Variants in VDR observed in about 807,000 individuals in gnomAD.
VDR encodes vitamin D receptor, also known as vitamin D3 receptor.
VDR carries 19 observed loss-of-function variants against 39.7 expected under a neutral mutation model. The observed-to-expected ratio is 0.48, with a 90% CI of 0.33 to 0.70. VDR has a LOEUF of 0.70. Among genes scored for constraint, VDR ranks in the 30% least tolerant of loss-of-function variants. VDR has a pLI of 0.02. For synonymous variants in VDR, 242 were observed against 215.8 expected (o/e 1.12, Z -1.07); for missense variants, 442 against 570.5 (o/e 0.77, Z 2.29).
In VDR at chr12:47,842,623, A is replaced by ATTTTTTTT. The variant is rs17878969; in HGVS notation, c.*2115_*2122dup. The stretch of plus-strand genomic sequence containing the variant: ...CAGGCTTGCGCCACCATGCCCGGCT[A>ATTTTTTTT]TTTTTTTTTTTTTTTTTTTTGTATT... On this transcript the variant is annotated 3_prime_UTR_variant, in exon 10 of 10. Coordinates refer to ENST00000549336, the MANE Select transcript of VDR (RefSeq NM_000376.3). 3.4e-4 allele frequency: 45 copies of ATTTTTTTT among 131,050 alleles called. No homozygotes were observed. The highest frequency in any genetic ancestry group is 4.7e-4 in the East Asian group (2 of 4,270). The allele number at this position is 131,050 out of a possible 1,614,324, so 8.1% of individuals were successfully genotyped here. A position where few individuals can be genotyped will look rare whatever the true frequency, so the allele number is the denominator to read the frequency against.
In VDR at chr12:47,844,589, C is replaced by T; in HGVS notation, c.*157G>A. The T allele has an allele frequency of 1.0e-6, 1 of 993,860 alleles. No homozygotes were observed. The highest frequency in any genetic ancestry group is 1.5e-6 in the Non-Finnish European group (1 of 671,332). The allele number at this position is 993,860 out of a possible 1,614,324, so 61.6% of individuals were successfully genotyped here. On this transcript the variant is annotated 3_prime_UTR_variant, in exon 10 of 10. Coordinates refer to ENST00000549336, the MANE Select transcript of VDR (RefSeq NM_000376.3). ...CCCGCAGGAAAGGGGTTAGGTTGGA[C>T]AGGAGAGAGAATGGGCTGGGTGGAT...
At chr12:47,862,179 G>A (rs1012063964) in intron 4 of VDR, among the ~76,000 whole-genome samples, 1 of 152,234 alleles carries the variant, frequency 6.6e-6, no homozygotes, top group African/African-American at 2.4e-5. Flanking sequence ...CAAGAACTCA[G>A]TTATAAAATT....
chr12:47,879,776 T>C (rs1946106343), intron 2 of VDR, among the ~76,000 whole-genome samples: 1 of 152,228 alleles, frequency 6.6e-6, no homozygotes, highest in Non-Finnish European at 1.5e-5. Context: ...CCCCTTTTTT[T>C]GGCAATAACA....
At chr12:47,860,837 G>A (rs117502925) in intron 4 of VDR, among the ~76,000 whole-genome samples, 2,112 of 152,308 alleles carry the variant, frequency 0.014, 53 homozygotes, top group African/African-American at 0.048. Context: ...TTGGGAGCTA[G>A]AAGTTCTGGT....
At chr12:47,902,791 T>C (rs779017163) in intron 1 of VDR, among the ~76,000 whole-genome samples, 2 of 152,134 alleles carry the variant, frequency 1.3e-5, no homozygotes, top group Non-Finnish European at 2.9e-5. Flanking sequence ...AATGAAACAA[T>C]GGGAACTCCC....
rs767688710 is a variant in VDR at position 47,869,633 on chromosome 12, G to A, written c.147-4456C>T. 5.3e-5 allele frequency among the ~76,000 whole-genome samples: 8 copies of A among 150,446 alleles called. No individual in the cohort carries two copies. The South Asian group carries it at 8.6e-4, about 16-fold the overall frequency. ...GGACTGGGTGCAGTGGCGTGAGCAC[G>A]CCTGTAAGCCCAGCACTTTGGGAGG... On this transcript the variant is annotated intron_variant, in intron 3 of 9. Transcript: ENST00000549336.
At chr12:47,895,272 C>T (rs1216986017) in intron 1 of VDR, among the ~76,000 whole-genome samples, 1 of 152,198 alleles carries the variant, frequency 6.6e-6, no homozygotes, top group African/African-American at 2.4e-5. Context: ...AAGCCCATCC[C>T]CAAACTTTCT....
intron 6 of VDR, 108 bp from the exon 7 acceptor site, chr12:47,855,909 G>A: frequency 7.4e-7 from 1 of 1,346,370 alleles, no homozygotes; most frequent in Admixed American, 1.8e-5. Flanking sequence ...GAGCCAGCTG[G>A]GAATCCCACA....
chr12:47,861,046 T>C (rs1380666469), intron 4 of VDR, among the ~76,000 whole-genome samples: 1 of 152,250 alleles, frequency 6.6e-6, no homozygotes, highest in Non-Finnish European at 1.5e-5. Context: ...AGAGGCTTTC[T>C]ACCTTTCTCA....
chr12:47,899,633 G>A (rs554297424), intron 1 of VDR, among the ~76,000 whole-genome samples: 113 of 152,360 alleles, frequency 7.4e-4, no homozygotes, highest in African/African-American at 2.6e-3. Context: ...GAGACCCACA[G>A]GGGGTGGGGC....
intron 7 of VDR, among the ~76,000 whole-genome samples, chr12:47,853,879 G>A (rs968357386): frequency 3.9e-5 from 6 of 151,956 alleles, no homozygotes; most frequent in Admixed American, 3.9e-4. Flanking sequence ...CTGAGATCGC[G>A]CCATTGCACT....
rs1024931661 is a variant in VDR, at chr12:47,880,301, C to T, written c.-2-1186G>A. Among the ~76,000 whole-genome samples the T allele has an allele frequency of 5.9e-5, 9 of 152,166 alleles. No individual in the cohort carries two copies. In the East Asian group the frequency reaches 1.7e-3, roughly 29 times the overall value. ...GGTGACAGAGGCAGATTCTGGGGGC[C>T]CTTGGGAGGCTCTGAGCTACTTTTC... On this transcript the variant is annotated intron_variant, in intron 2 of 9. Transcript: ENST00000549336.
Position 47,879,025 on chromosome 12 carries a change from C to T in VDR, c.89G>A (p.Arg30Gln), listed in dbSNP as rs373875011. Residue 30 changes from arginine (R) to glutamine (Q), a missense_variant, in exon 3 of 10, where the codon CGA (arginine) becomes CAA (glutamine). Arg to Gln is a conservative substitution (Grantham distance 43, BLOSUM62 1). Coordinates refer to ENST00000549336, the MANE Select transcript of VDR (RefSeq NM_000376.3). ...VPRICGVCGD[R>Q]ATGFHFNAMT... ...AGCATTGAAGTGAAAGCCAGTGGCT[C>T]GGTCTCCACACACCCCACAGATCCG... 133 of 1,614,064 alleles carry T rather than the reference C, an allele frequency of 8.2e-5. No individual in the cohort carries two copies. Among genetic ancestry groups the T allele is most frequent in the Middle Eastern group, 1.6e-4 (1 of 6,084 alleles).
rs747871888 is a variant in VDR, at chr12:47,904,959, T to C, written c.-88A>G. On this transcript the variant is annotated 5_prime_UTR_variant, in exon 1 of 10. Transcript: ENST00000549336. ...CCGCTGCTCCCGGGTTCGCACCTGG[T>C]CCGGCCGGCGGGTGGACAAGCTGTT... The C allele has an allele frequency of 2.7e-5, 5 of 187,270 alleles. No homozygotes were observed. The highest frequency in any genetic ancestry group is 5.5e-5 in the Non-Finnish European group (5 of 90,144). 11.6% of individuals were successfully genotyped at this position (187,270 alleles called of 1,614,324 possible). A position where few individuals can be genotyped will look rare whatever the true frequency, so the allele number is the denominator to read the frequency against.
Position 47,844,584 on chromosome 12 carries a change from T to C in VDR, c.*162A>G, listed in dbSNP as rs780176456. The C allele has an allele frequency of 5.3e-6, 5 of 946,210 alleles. No individual in the cohort carries two copies. The highest frequency in any genetic ancestry group is 7.9e-6 in the Non-Finnish European group (5 of 632,280). 58.6% of individuals were successfully genotyped at this position (946,210 alleles called of 1,614,324 possible). On this transcript the variant is annotated 3_prime_UTR_variant, in exon 10 of 10. Transcript: ENST00000549336. ...AAAAGCCCGCAGGAAAGGGGTTAGGTTGGACAGGAGAGAGAATGGGCTGGG... is the reference window on the plus strand; with the variant it reads ...AAAAGCCCGCAGGAAAGGGGTTAGGCTGGACAGGAGAGAGAATGGGCTGGG...
intron 2 of VDR, among the ~76,000 whole-genome samples, chr12:47,882,357 A>G (rs1946167174): frequency 1.3e-5 from 2 of 152,154 alleles, no homozygotes; most frequent in Non-Finnish European, 2.9e-5. Flanking sequence ...TTGAGAGCTG[A>G]AAGTCCCAGG....
At chr12:47,894,732 G>A (rs1946434856) in intron 1 of VDR, among the ~76,000 whole-genome samples, 2 of 152,248 alleles carry the variant, frequency 1.3e-5, no homozygotes, top group Non-Finnish European at 2.9e-5. Context: ...CAGGCAGGGT[G>A]GGGCGGGGGA....
chr12:47,881,090 A>ATG lies in VDR; in HGVS notation c.-3+1602_-3+1603dup, dbSNP rs71726777. On this transcript the variant is annotated intron_variant, in intron 2 of 9. Coordinates refer to ENST00000549336, the MANE Select transcript of VDR (RefSeq NM_000376.3). ...GGACTAGATAAAGAAAATACAGTAT[A>ATG]TGTGTGTGTGTGTGTATATATATAT... 4.0e-3 allele frequency among the ~76,000 whole-genome samples: 495 copies of ATG among 124,788 alleles called. 2 individuals carry two copies. Among genetic ancestry groups the ATG allele is most frequent in the African/African-American group, 0.012 (399 of 33,062 alleles). The allele number at this position is 124,788 out of a possible 152,430, so 81.9% of individuals were successfully genotyped here. A position where few individuals can be genotyped will look rare whatever the true frequency, so the allele number is the denominator to read the frequency against.
chr12:47,899,510 C>A (rs150809707), intron 1 of VDR, among the ~76,000 whole-genome samples: 8 of 152,366 alleles, frequency 5.3e-5, no homozygotes, highest in Non-Finnish European at 7.3e-5. Flanking sequence ...AAAGCGACCT[C>A]GCCAAGATTT....
Sources: allele counts gnomAD v4.1 joint callset (sites outside exome capture counted in the v4.1 genomes callset), GRCh38; gene constraint gnomAD v4.1.1; transcripts MANE v1.5; gene names NCBI Gene and HGNC (gene_info 2026-07-23, HGNC 2026-07-21).